SPG7: variants seen among roughly 807,000 people sequenced by gnomAD.
The protein encoded by SPG7 is SPG7 matrix AAA peptidase subunit, paraplegin.
Under a neutral mutation model 81.9 loss-of-function variants are expected in SPG7, and 103 were observed. The ratio of observed to expected loss-of-function variants is 1.26; its 90% confidence interval spans 1.07 to 1.48. SPG7 has a LOEUF of 1.48. SPG7 is among the 40% of genes most tolerant of loss of function. The probability of loss-of-function intolerance (pLI) is 0.00; values close to 1 mark genes in which losing one functional copy is unlikely to be tolerated. For synonymous variants in SPG7, 534 were observed against 444.2 expected, an observed-to-expected ratio of 1.20 and a Z score of -2.54; for missense variants, 1,241 against 1,087.3, an observed-to-expected ratio of 1.14 and a Z score of -1.99.
At chr16:89,508,396 C>G, upstream of SPG7, 1 of 1,470,170 alleles carries the variant, frequency 6.8e-7, no homozygotes, top group Non-Finnish European at 9.0e-7. Flanking sequence ...GCGGATCACG[C>G]AGGCGCGGCT....
At chr16:89,508,966 A>T (rs986776946) in intron 1 of SPG7, 1 of 493,574 alleles carries the variant, frequency 2.0e-6, no homozygotes, top group Admixed American at 2.3e-5. Flanking sequence ...TTCCGTCACC[A>T]GGAATTCCAG....
Position 89,557,452 on chromosome 16 carries a change from C to G in SPG7, c.*359C>G. The G allele has an allele frequency of 3.2e-6, 1 of 311,488 alleles. No homozygotes were observed. The highest frequency in any genetic ancestry group is 6.2e-6 in the Non-Finnish European group (1 of 162,050). 19.3% of individuals were successfully genotyped at this position (311,488 alleles called of 1,614,324 possible). A position where few individuals can be genotyped will look rare whatever the true frequency, so the allele number is the denominator to read the frequency against. ...ACTCCAAACAGACCCCTGTTCATGC[C>G]GACGCTTGCACGACCGCCCCAGTTC... On this transcript the variant is annotated 3_prime_UTR_variant, in exon 17 of 17. Transcript: ENST00000645818.
At chr16:89,555,713 G>A (rs2058681074) in intron 16 of SPG7, 1 of 397,498 alleles carries the variant, frequency 2.5e-6, no homozygotes, top group Admixed American at 4.4e-5. Flanking sequence ...TGTCTGATGT[G>A]TTTCTCACAG....
Position 89,557,104 on chromosome 16 carries a change from T to C in SPG7, c.*11T>C. 2 of 1,608,626 alleles carry C rather than the reference T, an allele frequency of 1.2e-6. No individual in the cohort carries two copies. Among genetic ancestry groups the C allele is most frequent in the African/African-American group, 1.3e-5 (1 of 74,900 alleles). ...ACTTGGCCCAAGTAGTTGGGAGGTG[T>C]TGGCTGCACGTGCGGGTGGTCCGGG... On this transcript the variant is annotated 3_prime_UTR_variant, in exon 17 of 17. Coordinates refer to ENST00000645818, the MANE Select transcript of SPG7 (RefSeq NM_003119.4).
chr16:89,530,276 C>G, intron 6 of SPG7: 1 of 336,894 alleles, frequency 3.0e-6, no homozygotes, highest in Non-Finnish European at 5.8e-6. Context: ...TTCCAAGTAG[C>G]TGTGACTACA....
intron 3 of SPG7, among the ~76,000 whole-genome samples, chr16:89,513,645 C>G (rs904473563): frequency 6.6e-6 from 1 of 152,128 alleles, no homozygotes; most frequent in African/African-American, 2.4e-5. Context: ...GAGCTTGAGC[C>G]CAGGAGTTGG....
At chr16:89,537,554 C>T (rs757669438) in intron 9 of SPG7, 14 of 991,252 alleles carry the variant, frequency 1.4e-5, no homozygotes, top group Non-Finnish European at 1.7e-5. Flanking sequence ...TCTTCAGAGA[C>T]AGGGTGTCGT....
chr16:89,548,512 C>T (rs1349598729), intron 12 of SPG7: 2 of 304,716 alleles, frequency 6.6e-6, no homozygotes, highest in Admixed American at 1.0e-4. Flanking sequence ...CTGCTGCCGC[C>T]CGTGGCTGTG....
At chr16:89,554,414 T>G in intron 15 of SPG7, 72 bp from the exon 16 acceptor site, 1 of 1,062,068 alleles carries the variant, frequency 9.4e-7, no homozygotes, top group Non-Finnish European at 1.4e-6. Context: ...CAGTCTGCCA[T>G]TTCTTTTCTG....
At chr16:89,547,422 C>G (rs1680596885) in intron 11 of SPG7, 1 of 181,146 alleles carries the variant, frequency 5.5e-6, no homozygotes, top group Admixed American at 5.4e-5. Context: ...TTCTGTGTCT[C>G]GTCTGTGGAA....
At chr16:89,554,103 T>C in intron 15 of SPG7, 143 bp downstream of exon 15, 2 of 749,308 alleles carry the variant, frequency 2.7e-6, no homozygotes, top group South Asian at 3.5e-5. Flanking sequence ...TGGGCTCTGC[T>C]GTAGTTCCCA....
At chr16:89,554,789 C>G in intron 16 of SPG7, 1 of 552,516 alleles carries the variant, frequency 1.8e-6, no homozygotes, top group Non-Finnish European at 3.3e-6. Flanking sequence ...GCCACAGTCT[C>G]CTGTGCCTCT....
chr16:89,543,228 T>G (rs557057805), intron 9 of SPG7: 1 of 151,914 alleles, frequency 6.6e-6, no homozygotes. Context: ...ATTACAGGCG[T>G]GAGCCACCGC....
At chr16:89,509,100 G>A in intron 1 of SPG7, 2 of 399,202 alleles carry the variant, frequency 5.0e-6, no homozygotes, top group South Asian at 3.6e-5. Context: ...TACAGTCATT[G>A]AGCACCCCCT....
intron 3 of SPG7, chr16:89,521,889 TGGG>T (rs1477379282): frequency 3.3e-5 from 5 of 152,214 alleles, no homozygotes; most frequent in African/African-American, 1.2e-4. Flanking sequence ...GAGTAGCTGC[TGGG>T]AAGTATTTCT....
intron 9 of SPG7, chr16:89,543,320 T>C (rs1361214619): frequency 6.6e-6 from 1 of 151,000 alleles, no homozygotes; most frequent in Non-Finnish European, 1.5e-5. Context: ...ATCTTTACTT[T>C]TAACACTGTT....
At chr16:89,556,447 G>A in intron 16 of SPG7, 2 of 309,996 alleles carry the variant, frequency 6.5e-6, no homozygotes, top group Non-Finnish European at 1.2e-5. Flanking sequence ...TGTCTCAAGT[G>A]TTTTCCAGGA....
At chr16:89,541,072 C>T (rs766992173) in intron 9 of SPG7, 1 of 984,716 alleles carries the variant, frequency 1.0e-6, no homozygotes, top group Non-Finnish European at 1.2e-6. Flanking sequence ...AGAGCTGAAA[C>T]TGGTGTATCC....
At chr16:89,510,774 C>G (rs1376447045) in intron 2 of SPG7, among the ~76,000 whole-genome samples, 182 bp downstream of exon 2, 1 of 152,164 alleles carries the variant, frequency 6.6e-6, no homozygotes, top group East Asian at 1.9e-4. Flanking sequence ...AAGGGATCCT[C>G]CCCACTTTGC....
Sources: gnomAD v4.1 joint callset for allele counts (sites outside exome capture counted in the v4.1 genomes callset) on GRCh38, gnomAD v4.1.1 for gene constraint, MANE v1.5 for transcripts, NCBI Gene and HGNC (gene_info 2026-07-23, HGNC 2026-07-21) for gene names.